Variants in FGA observed in about 807,000 individuals in gnomAD.
FGA encodes fibrinogen, A alpha polypeptide.
A neutral mutation model predicts 20.3 loss-of-function variants in FGA; 20 were observed. The observed-to-expected ratio is 0.99, with a 90% CI of 0.69 to 1.43. The LOEUF (loss-of-function observed/expected upper bound fraction) is 1.43, where lower values mean the gene tolerates loss of function less well. FGA is among the 40% of genes most tolerant of loss of function. The pLI is 0.00. For missense variants in FGA, 777 were observed against 784.7 expected, an observed-to-expected ratio of 0.99 and a Z score of 0.12; for synonymous variants, 306 against 281.6, an observed-to-expected ratio of 1.09 and a Z score of -0.87.
intron 3 of FGA, 141 bp from the exon 4 acceptor site, chr4:154,587,798 A>AGAAAGAAG (rs1730774488): frequency 1.3e-6 from 1 of 749,538 alleles, no homozygotes; most frequent in Admixed American, 2.7e-5. Context: ...AAAGAAAGAA[A>AGAAAGAAG]GAAAGAGAAA....
intron 4 of FGA, 146 bp downstream of exon 4, chr4:154,587,366 G>A: frequency 1.3e-6 from 1 of 792,772 alleles, no homozygotes; most frequent in South Asian, 1.5e-5. Flanking sequence ...TTCAACTGTG[G>A]AGTGAGGAAA....
downstream of FGA, chr4:154,584,324 C>A (rs775785750): frequency 1.9e-6 from 3 of 1,614,160 alleles, no homozygotes; most frequent in Non-Finnish European, 2.5e-6. Flanking sequence ...CCATAGACTT[C>A]TGCACAGTTC....
At chr4:154,584,563 C>G, downstream of FGA, 1 of 1,614,124 alleles carries the variant, frequency 6.2e-7, no homozygotes, top group Non-Finnish European at 8.5e-7. Context: ...AAGAACAGAG[C>G]CCCTTTGGGT....
At position 154,586,409 on chromosome 4, in the gene FGA, T is replaced by TCCAGAGCTC; in HGVS notation, c.1011_1019dup (p.Ser338_Gly340dup). The stretch of plus-strand genomic sequence containing the variant: ...GGTTTTGGTTTCCAGTACTTCCAGT[T>TCCAGAGCTC]CCAGAGCTCCCAGAGTTCCAGCTTC... On this transcript the variant is annotated inframe_insertion, in exon 5 of 5. Coordinates refer to ENST00000403106, the MANE Select transcript of FGA (RefSeq NM_021871.4). 6.2e-7 allele frequency: 1 copy of TCCAGAGCTC among 1,611,846 alleles called. No individual in the cohort carries two copies. The highest frequency in any genetic ancestry group is 8.5e-7 in the Non-Finnish European group (1 of 1,178,834).
Position 154,589,289 on chromosome 4 carries a change from G to C in FGA, c.180+148C>G. Reference sequence around the variant, plus strand: ...GGGAGGTAAATAAACAGTGCTCTTGGGAGTAGGTTCCTTTTCTTTATTTGC... The same window carrying C: ...GGGAGGTAAATAAACAGTGCTCTTGCGAGTAGGTTCCTTTTCTTTATTTGC... On this transcript the variant is annotated intron_variant, in intron 2 of 4. Transcript: ENST00000403106. The C allele has an allele frequency of 5.5e-6, 5 of 914,000 alleles. No individual in the cohort carries two copies. In the South Asian group the frequency reaches 5.9e-5, roughly 11 times the overall value. The allele number at this position is 914,000 out of a possible 1,614,324, so 56.6% of individuals were successfully genotyped here.
downstream of FGA, chr4:154,583,800 A>G: frequency 3.5e-6 from 1 of 282,630 alleles, no homozygotes; most frequent in Non-Finnish European, 6.7e-6. Flanking sequence ...TGGTATGGGA[A>G]GAGAAGTTCT....
chr4:154,587,745 G>GAAAAAGAAAGAA, intron 3 of FGA, 88 bp from the exon 4 acceptor site: 1 of 522,986 alleles, frequency 1.9e-6, no homozygotes, highest in South Asian at 2.8e-5. Context: ...AGGAAGGAAG[G>GAAAAAGAAAGAA]AGAAAGAAAG....
Position 154,589,441 on chromosome 4 carries a change from T to G in FGA, c.176A>C (p.Asp59Ala). ...CTTCCCCCGCTGACTGCTTACCCAG[T>G]CTTCATCAGAGCAGAAGGGCCAGTC... ...DSDWPFCSDE[D>A]WNYKCPSGCR... The change falls in exon 2 of 5, where the codon GAC (aspartate) becomes GCC (alanine). Residue 59 changes from aspartate (D) to alanine (A), a missense_variant. Asp to Ala is a moderately radical substitution (Grantham distance 126, BLOSUM62 -2). Coordinates refer to ENST00000403106, the MANE Select transcript of FGA (RefSeq NM_021871.4). The G allele has an allele frequency of 6.2e-7, 1 of 1,614,036 alleles. No individual in the cohort carries two copies. Among genetic ancestry groups the G allele is most frequent in the Non-Finnish European group, 8.5e-7 (1 of 1,179,998 alleles).
At chr4:154,588,137 G>T (rs1206784539) in intron 3 of FGA, among the ~76,000 whole-genome samples, 1 of 152,152 alleles carries the variant, frequency 6.6e-6, no homozygotes, top group African/African-American at 2.4e-5. Flanking sequence ...CTATAGATTT[G>T]AAATGGTTCC....
In FGA at chr4:154,586,778, A is replaced by C. The variant is rs764995118; in HGVS notation, c.651T>G (p.Asp217Glu). The stretch of plus-strand genomic sequence containing the variant: ...TTTTTATCAGTGGTAAGTGTTGCCT[A>C]TCTCTAGAGGGAAGTAAGTCTTTGG... ...VIAKDLLPSR[D>E]RQHLPLIKMK... Residue 217 changes from aspartate (D) to glutamate (E), a missense_variant, in exon 5 of 5, where the codon GAT (aspartate) becomes GAG (glutamate). Coordinates refer to ENST00000403106, the MANE Select transcript of FGA (RefSeq NM_021871.4). 33 of 1,614,040 alleles carry C rather than the reference A, an allele frequency of 2.0e-5. No individual in the cohort carries two copies. The highest frequency in any genetic ancestry group is 2.7e-5 in the Non-Finnish European group (32 of 1,180,038).
At chr4:154,584,844 A>T (rs1427174835), downstream of FGA, 1 of 1,596,466 alleles carries the variant, frequency 6.3e-7, no homozygotes, top group Non-Finnish European at 8.6e-7. Flanking sequence ...CTAAAAAAAA[A>T]ATTAAGCTGG....
downstream of FGA, chr4:154,584,166 G>C (rs1352994927): frequency 2.5e-6 from 4 of 1,614,056 alleles, no homozygotes; most frequent in Non-Finnish European, 3.4e-6. Flanking sequence ...GAACAGCCCT[G>C]AGGGAATAAT....
At chr4:154,589,843 A>G (rs1483052528) in intron 1 of FGA, among the ~76,000 whole-genome samples, 1 of 152,242 alleles carries the variant, frequency 6.6e-6, no homozygotes, top group East Asian at 1.9e-4. Flanking sequence ...TAGGAGTTTT[A>G]AAGAATCCAT....
In FGA at chr4:154,586,172, A is replaced by C; in HGVS notation, c.1257T>G (p.Asn419Lys). ...DWGTFEEVSG[N>K]VSPGTRREYH... Reference sequence around the variant, plus strand: ...ACTCTCTCCTTGTCCCTGGACTTACATTTCCTGACACCTCTTCAAATGTGC... The same window carrying C: ...ACTCTCTCCTTGTCCCTGGACTTACCTTTCCTGACACCTCTTCAAATGTGC... The change falls in exon 5 of 5, where the codon AAT (asparagine) becomes AAG (lysine). Residue 419 changes from asparagine (N) to lysine (K), a missense_variant. Asn to Lys is a moderately conservative substitution (Grantham distance 94). Transcript: ENST00000403106. 1 of 1,614,100 alleles carries C rather than the reference A, an allele frequency of 6.2e-7. No individual in the cohort carries two copies. Among genetic ancestry groups the C allele is most frequent in the Non-Finnish European group, 8.5e-7 (1 of 1,180,026 alleles).
rs1441685261 is a variant in FGA at position 154,590,723 on chromosome 4, T to A, written c.-36A>T. 6.7e-7 allele frequency: 1 copy of A among 1,501,630 alleles called. No individual in the cohort carries two copies. The highest frequency in any genetic ancestry group is 9.1e-7 in the Non-Finnish European group (1 of 1,101,316). 93.0% of individuals were successfully genotyped at this position (1,501,630 alleles called of 1,614,324 possible). On this transcript the variant is annotated 5_prime_UTR_variant, in exon 1 of 5. Transcript: ENST00000403106. ...GGTGGGGCTGGCTCCTGAGGAGCAC[T>A]CCAGCTGAAAGAAAGGATTGCTGCC...
Position 154,588,877 on chromosome 4 carries a change from C to G in FGA, c.280G>C (p.Glu94Gln). ...GAATCCTTATTGTTCTTCTGATATT[C>G]AAATAGTGAATTTTTGAGCTTATTT... ...RINKLKNSLF[E>Q]YQKNNKDSHS... Residue 94 changes from glutamate (E) to glutamine (Q), a missense_variant, in exon 3 of 5, where the codon GAA (glutamate) becomes CAA (glutamine). Physicochemically the swap from Glu to Gln is conservative, Grantham distance 29 (BLOSUM62 2). Transcript: ENST00000403106. 6.2e-7 allele frequency: 1 copy of G among 1,611,544 alleles called. No individual in the cohort carries two copies. The highest frequency in any genetic ancestry group is 1.3e-5 in the African/African-American group (1 of 74,934).
rs201382224 is a variant in FGA at position 154,586,345 on chromosome 4, G to A, written c.1084C>T (p.Pro362Ser). Residue 362 changes from proline to serine, a missense_variant, in exon 5 of 5, where the codon CCT (proline) becomes TCT (serine). Physicochemically the swap from Pro to Ser is moderately conservative, Grantham distance 74. Transcript: ENST00000403106. ...PRPGSTGTWN[P>S]GSSERGSAGH... ...GCACTTCCGCGTTCAGAGCTGCCAG[G>A]ATTCCAGGTTCCGGTACTACCAGGT... The A allele has an allele frequency of 6.2e-7, 1 of 1,614,166 alleles. No individual in the cohort carries two copies. The highest frequency in any genetic ancestry group is 1.3e-5 in the African/African-American group (1 of 75,042).
chr4:154,586,120 T>C lies in FGA; in HGVS notation c.1309A>G (p.Lys437Glu). Residue 437 changes from lysine to glutamate, a missense_variant, in exon 5 of 5, where the codon AAA becomes GAA. Lys to Glu is a moderately conservative substitution (Grantham distance 56). Transcript: ENST00000403106. ...CCAGTCCTGAGCTCTTTATCTCCTTTAGAAGTGACCAGTTTTTCTGTGTGG... is the reference window on the plus strand; with the variant it reads ...CCAGTCCTGAGCTCTTTATCTCCTTCAGAAGTGACCAGTTTTTCTGTGTGG... ...EYHTEKLVTS[K>E]GDKELRTGKE... 2 of 1,614,202 alleles carry C rather than the reference T, an allele frequency of 1.2e-6. No individual in the cohort carries two copies. The highest frequency in any genetic ancestry group is 1.7e-6 in the Non-Finnish European group (2 of 1,180,022).
chr4:154,584,315 C>G (rs779119250), downstream of FGA: 15 of 1,614,020 alleles, frequency 9.3e-6, no homozygotes, highest in South Asian at 1.1e-5. Flanking sequence ...CAGCCTCCCC[C>G]ATAGACTTCT....
Sources: allele counts gnomAD v4.1 joint callset (sites outside exome capture counted in the v4.1 genomes callset), GRCh38; gene constraint gnomAD v4.1.1; transcripts MANE v1.5; gene names NCBI Gene and HGNC (gene_info 2026-07-23, HGNC 2026-07-21).